The following PRKN variants were observed in gnomAD, a reference collection of about 807,000 sequenced individuals.
PRKN encodes parkin RBR E3 ubiquitin protein ligase.
Under a neutral mutation model 59.5 loss-of-function variants are expected in PRKN, and 56 were observed. The ratio of observed to expected loss-of-function variants is 0.94; its 90% CI spans 0.76 to 1.18. PRKN has a LOEUF of 1.18. Among genes scored for constraint, PRKN ranks in the 50% most tolerant of loss-of-function variants. The probability of loss-of-function intolerance (pLI) is 0.00; values close to 1 mark genes in which losing one functional copy is unlikely to be tolerated. For synonymous variants in PRKN, 250 were observed against 222.1 expected (o/e 1.13, Z -1.12); for missense variants, 657 against 596.4 (o/e 1.10, Z -1.06).
intron 3 of PRKN, among the ~76,000 whole-genome samples, chr6:162,217,590 C>A (rs1777739706): frequency 6.6e-6 from 1 of 152,118 alleles, no homozygotes; most frequent in Non-Finnish European, 1.5e-5. Flanking sequence ...TGGGGTTTCA[C>A]CATGTTGGTC....
chr6:162,378,290 C>A (rs1285628363), intron 2 of PRKN, among the ~76,000 whole-genome samples: 1 of 152,198 alleles, frequency 6.6e-6, no homozygotes, highest in African/African-American at 2.4e-5. Flanking sequence ...ATACTTTTTT[C>A]TGTCTCTCGT....
At chr6:161,644,317 A>C (rs1257877406) in intron 7 of PRKN, among the ~76,000 whole-genome samples, 2 of 152,234 alleles carry the variant, frequency 1.3e-5, no homozygotes, top group East Asian at 3.9e-4. Flanking sequence ...TGGTATCTGG[A>C]TCAGGCTAGG....
intron 7 of PRKN, among the ~76,000 whole-genome samples, chr6:161,771,458 G>C (rs1217713593): frequency 6.6e-6 from 1 of 151,892 alleles, no homozygotes; most frequent in Non-Finnish European, 1.5e-5. Flanking sequence ...CTTGGGGGAG[G>C]GATCAGGAGT....
At chr6:162,040,149 G>C (rs922132878) in intron 5 of PRKN, among the ~76,000 whole-genome samples, 2 of 152,038 alleles carry the variant, frequency 1.3e-5, no homozygotes, top group Non-Finnish European at 2.9e-5. Flanking sequence ...TGGTACACCT[G>C]GGTTCCTTAG....
chr6:161,755,211 C>A (rs1372818457), intron 7 of PRKN, among the ~76,000 whole-genome samples: 1 of 152,116 alleles, frequency 6.6e-6, no homozygotes, highest in Non-Finnish European at 1.5e-5. Flanking sequence ...AGGGGAGGTG[C>A]ATGACAGAAA....
At chr6:162,445,729 T>G (rs1341803953) in intron 1 of PRKN, among the ~76,000 whole-genome samples, 16 of 70,452 alleles carry the variant, frequency 2.3e-4, no homozygotes, top group African/African-American at 7.4e-4. Context: ...AAAAAAAAAG[T>G]CCACATTTCT....
Position 161,361,785 on chromosome 6 carries a change from C to T in PRKN, c.1168-1580G>A, listed in dbSNP as rs940844291. Among the ~76,000 whole-genome samples the T allele has an allele frequency of 2.0e-4, 31 of 152,200 alleles. No individual in the cohort carries two copies. Among genetic ancestry groups the T allele is most frequent in the African/African-American group, 1.7e-4 (7 of 41,446 alleles). On this transcript the variant is annotated intron_variant, in intron 10 of 11. Transcript: ENST00000366898. This position sits in a 1 kb window ranked among gnomAD's most constrained non-coding sequence, Gnocchi z 5.2. Reference sequence around the variant, plus strand: ...CGTGGAGTCAGCTGCTCGGAGGCAACGGTAGGTCAATGAGTGCTTCCTTTG... The same window carrying T: ...CGTGGAGTCAGCTGCTCGGAGGCAATGGTAGGTCAATGAGTGCTTCCTTTG...
At chr6:162,242,686 T>A (rs1171350844) in intron 3 of PRKN, among the ~76,000 whole-genome samples, 1 of 152,168 alleles carries the variant, frequency 6.6e-6, no homozygotes, top group Non-Finnish European at 1.5e-5. Context: ...GAAACAACTT[T>A]GAGGTACATC....
At chr6:162,677,550 T>C (rs1584032163) in intron 1 of PRKN, among the ~76,000 whole-genome samples, 2 of 151,824 alleles carry the variant, frequency 1.3e-5, no homozygotes, top group Non-Finnish European at 2.9e-5. Context: ...ATTTTCCAAC[T>C]GTTGTTTATT....
At chr6:161,366,982 CTTTTTTTTTTTTTTT>C (rs57164972) in intron 10 of PRKN, among the ~76,000 whole-genome samples, 1 of 91,946 alleles carries the variant, frequency 1.1e-5, no homozygotes, top group Non-Finnish European at 2.2e-5. Flanking sequence ...TTTTTGTTTC[CTTTTTTTTTTTTTTT>C]TTTTTTTTTT....
chr6:162,388,830 G>A (rs1445793338), intron 2 of PRKN, among the ~76,000 whole-genome samples: 1 of 152,072 alleles, frequency 6.6e-6, no homozygotes, highest in Non-Finnish European at 1.5e-5. Flanking sequence ...AACAGACTCA[G>A]CCCAAATGTA....
At chr6:162,272,295 A>C (rs1180532522) in intron 2 of PRKN, among the ~76,000 whole-genome samples, 1 of 152,150 alleles carries the variant, frequency 6.6e-6, no homozygotes, top group Non-Finnish European at 1.5e-5. Flanking sequence ...ATGCCCATTA[A>C]ACCCACTTTA....
intron 1 of PRKN, among the ~76,000 whole-genome samples, chr6:162,499,826 A>C (rs1793278475): frequency 6.6e-6 from 1 of 152,280 alleles, no homozygotes; most frequent in East Asian, 1.9e-4. Context: ...TTAATTTCAG[A>C]CTACTTATGA....
intron 6 of PRKN, among the ~76,000 whole-genome samples, chr6:161,791,899 G>A (rs1484460743): frequency 1.3e-5 from 2 of 152,242 alleles, no homozygotes; most frequent in Admixed American, 1.3e-4. Context: ...AAACGGCAAT[G>A]TGTGACTTCC....
At chr6:162,195,665 T>C (rs1395467549) in intron 4 of PRKN, among the ~76,000 whole-genome samples, 1 of 152,092 alleles carries the variant, frequency 6.6e-6, no homozygotes, top group Non-Finnish European at 1.5e-5. Flanking sequence ...ATAAAGTTCT[T>C]TTTGAGATAA....
intron 7 of PRKN, among the ~76,000 whole-genome samples, chr6:161,773,792 T>G (rs1299523033): frequency 6.6e-6 from 1 of 152,234 alleles, no homozygotes; most frequent in African/African-American, 2.4e-5. Context: ...TCTCAAATGT[T>G]ATTTTATCTT....
chr6:162,720,575 C>T (rs1037871908), intron 1 of PRKN, among the ~76,000 whole-genome samples: 12 of 151,482 alleles, frequency 7.9e-5, no homozygotes, highest in East Asian at 1.9e-4. Context: ...CTCAGCCTCC[C>T]GAGTAGCTGG....
intron 11 of PRKN, among the ~76,000 whole-genome samples, chr6:161,358,212 A>C (rs538921191): frequency 8.5e-5 from 13 of 152,342 alleles, no homozygotes; most frequent in Admixed American, 4.6e-4. Context: ...GGGTCAAATA[A>C]TATAAAGTCT....
intron 7 of PRKN, among the ~76,000 whole-genome samples, chr6:161,763,961 T>G (rs1299150248): frequency 6.6e-6 from 1 of 152,116 alleles, no homozygotes; most frequent in African/African-American, 2.4e-5. Context: ...AGTATTCTTT[T>G]AAAAATGCAG....
Sources: allele counts gnomAD v4.1 joint callset (sites outside exome capture counted in the v4.1 genomes callset), GRCh38; gene constraint gnomAD v4.1.1; non-coding constraint Gnocchi (gnomAD v3.1); transcripts MANE v1.5; gene names NCBI Gene and HGNC (gene_info 2026-07-23, HGNC 2026-07-21).